GRIN3A: variants seen among roughly 807,000 people sequenced by gnomAD.
The protein encoded by GRIN3A is glutamate ionotropic receptor NMDA type subunit 3A.
A neutral mutation model predicts 92.4 loss-of-function variants in GRIN3A; 47 were observed. The observed-to-expected ratio is 0.51, with a 90% confidence interval of 0.40 to 0.65. The LOEUF (loss-of-function observed/expected upper bound fraction) is 0.65, where lower values mean the gene tolerates loss of function less well. Ranked by LOEUF, GRIN3A falls within the 30% of genes least tolerant of loss-of-function variation. The pLI is 0.00. For synonymous variants in GRIN3A, 527 were observed against 540.6 expected (o/e 0.97, Z 0.35); for missense variants, 1,324 against 1,393.1 (o/e 0.95, Z 0.79).
At chr9:101,657,677 G>C (rs747684057) in intron 3 of GRIN3A, among the ~76,000 whole-genome samples, 7 of 151,914 alleles carry the variant, frequency 4.6e-5, no homozygotes, top group Non-Finnish European at 8.8e-5. Flanking sequence ...CATTTCACAG[G>C]GGGTGGTGGC....
intron 1 of GRIN3A, among the ~76,000 whole-genome samples, chr9:101,720,759 T>G (rs1830001981): frequency 6.6e-6 from 1 of 152,190 alleles, no homozygotes. Flanking sequence ...ATGTATTGAT[T>G]AAAAAATCAT....
chr9:101,697,857 A>G (rs1411914443), intron 1 of GRIN3A, among the ~76,000 whole-genome samples: 4 of 152,192 alleles, frequency 2.6e-5, no homozygotes, highest in African/African-American at 7.2e-5. Flanking sequence ...CATCTTCAAT[A>G]TAATTTTTAA....
intron 6 of GRIN3A, among the ~76,000 whole-genome samples, chr9:101,609,016 T>A (rs952092750): frequency 6.6e-6 from 1 of 152,200 alleles, no homozygotes; most frequent in African/African-American, 2.4e-5. Context: ...GGTTGGATTC[T>A]TATTCAACAT....
intron 3 of GRIN3A, among the ~76,000 whole-genome samples, chr9:101,631,700 G>T (rs1828717907): frequency 6.6e-6 from 1 of 152,126 alleles, no homozygotes; most frequent in African/African-American, 2.4e-5. Flanking sequence ...TTGGCTCTGT[G>T]AAGGCAAAGG....
chr9:101,713,199 T>C (rs75410010), intron 1 of GRIN3A, among the ~76,000 whole-genome samples: 2,784 of 152,250 alleles, frequency 0.018, 77 homozygotes, highest in African/African-American at 0.063. Context: ...CTGATGAACA[T>C]TTTTATTATT....
chr9:101,668,187 T>C (rs1829268013), intron 3 of GRIN3A, among the ~76,000 whole-genome samples: 1 of 152,034 alleles, frequency 6.6e-6, no homozygotes, highest in South Asian at 2.1e-4. Flanking sequence ...GCGTATAGCT[T>C]GTCTTTATAA....
At chr9:101,730,848 T>A (rs1176074374) in intron 1 of GRIN3A, among the ~76,000 whole-genome samples, 1 of 152,124 alleles carries the variant, frequency 6.6e-6, no homozygotes, top group African/African-American at 2.4e-5. Flanking sequence ...TTTCTCTTAT[T>A]ATTTTTTAAT....
Position 101,670,935 on chromosome 9 carries a change from A to T in GRIN3A, c.1477T>A (p.Tyr493Asn), listed in dbSNP as rs1829309516. 1 of 1,613,956 alleles carries T rather than the reference A, an allele frequency of 6.2e-7. No homozygotes were observed. The highest frequency in any genetic ancestry group is 2.2e-5 in the East Asian group (1 of 44,860). Residue 493 changes from tyrosine to asparagine, a missense_variant, in exon 3 of 9, where the codon TAT becomes AAT. Physicochemically the swap from Tyr to Asn is moderately radical, Grantham distance 143 (BLOSUM62 -2). Coordinates refer to ENST00000361820, the MANE Select transcript of GRIN3A (RefSeq NM_133445.3). ...SWQGGKIVMD[Y>N]GIWPEQAQRH... is the part of the protein sequence containing the mutation. ...TGGGCCTGCTCTGGCCATATTCCAT[A>T]GTCCATGACAATCTTTCCCCCCTGC...
intron 1 of GRIN3A, among the ~76,000 whole-genome samples, chr9:101,709,787 GT>G (rs1829857320): frequency 6.6e-6 from 1 of 152,056 alleles, no homozygotes; most frequent in Non-Finnish European, 1.5e-5. Context: ...GTACAAAAAT[GT>G]TTTAAAAATT....
chr9:101,684,191 C>G (rs1363323349), intron 2 of GRIN3A, among the ~76,000 whole-genome samples: 1 of 151,392 alleles, frequency 6.6e-6, no homozygotes, highest in Non-Finnish European at 1.5e-5. Context: ...CAACCTCTGC[C>G]TCCCAGGTTC....
In GRIN3A at chr9:101,687,096, C is replaced by T; in HGVS notation, c.804G>A (p.Leu268=). 6.2e-7 allele frequency: 1 copy of T among 1,614,080 alleles called. No homozygotes were observed. Among genetic ancestry groups the T allele is most frequent in the Non-Finnish European group, 8.5e-7 (1 of 1,180,000 alleles). The change falls in exon 2 of 9, where the codon TTG becomes TTA. Residue 268 remains leucine (L), a synonymous_variant. Transcript: ENST00000361820. The part of the protein sequence containing the change: ...TMNNWYNFSL[L]LCQEDWNITD... ...TGATGTTCCAGTCTTCCTGGCACAG[C>T]AACAAGCTAAAATTGTACCAGTTGT... is the stretch of plus-strand genomic sequence containing the variant.
intron 1 of GRIN3A, among the ~76,000 whole-genome samples, chr9:101,736,408 A>G (rs925915645): frequency 1.3e-5 from 2 of 152,190 alleles, no homozygotes; most frequent in African/African-American, 4.8e-5. Context: ...CCTCATTATT[A>G]CTTGTCAACG....
At chr9:101,683,632 A>T (rs1252860588) in intron 2 of GRIN3A, among the ~76,000 whole-genome samples, 1 of 152,186 alleles carries the variant, frequency 6.6e-6, no homozygotes, top group Non-Finnish European at 1.5e-5. Flanking sequence ...GAGTTTAAAA[A>T]GTCTCAGGTA....
At chr9:101,694,048 A>G (rs1447872967) in intron 1 of GRIN3A, among the ~76,000 whole-genome samples, 1 of 152,162 alleles carries the variant, frequency 6.6e-6, no homozygotes, top group African/African-American at 2.4e-5. Context: ...TGAATGTTTC[A>G]GAAGGCAGGA....
chr9:101,575,438 G>A (rs1375490998), intron 8 of GRIN3A, among the ~76,000 whole-genome samples: 1 of 152,128 alleles, frequency 6.6e-6, no homozygotes. Context: ...GTCTTGGGGT[G>A]AGAGGAAAGG....
At chr9:101,667,760 TA>T (rs1201762845) in intron 3 of GRIN3A, among the ~76,000 whole-genome samples, 4 of 152,074 alleles carry the variant, frequency 2.6e-5, no homozygotes, top group African/African-American at 9.7e-5. Context: ...GGACATTATG[TA>T]GTCCACATAA....
At chr9:101,620,414 G>C (rs965572790) in intron 5 of GRIN3A, among the ~76,000 whole-genome samples, 1 of 152,120 alleles carries the variant, frequency 6.6e-6, no homozygotes, top group African/African-American at 2.4e-5. Flanking sequence ...ATATGAATCT[G>C]GGGGGAGGCA....
chr9:101,662,993 G>C (rs984689215), intron 3 of GRIN3A, among the ~76,000 whole-genome samples: 4 of 151,746 alleles, frequency 2.6e-5, no homozygotes, highest in African/African-American at 9.7e-5. Context: ...GGTTTATCTA[G>C]AATGTCTAGT....
chr9:101,650,760 G>A (rs942649770), intron 3 of GRIN3A, among the ~76,000 whole-genome samples: 3 of 151,912 alleles, frequency 2.0e-5, no homozygotes, highest in East Asian at 1.9e-4. Context: ...CATGTCATTT[G>A]GTCCAGTCTT....
Sources: gnomAD v4.1 joint callset for allele counts (sites outside exome capture counted in the v4.1 genomes callset) on GRCh38, gnomAD v4.1.1 for gene constraint, MANE v1.5 for transcripts, NCBI Gene and HGNC (gene_info 2026-07-23, HGNC 2026-07-21) for gene names.